The following SDHB variants were observed in gnomAD, a reference collection of about 807,000 sequenced individuals.
The protein encoded by SDHB is succinate dehydrogenase complex iron sulfur subunit B, also known as succinate dehydrogenase [ubiquinone] iron-sulfur subunit, mitochondrial.
A neutral mutation model predicts 39.7 loss-of-function variants in SDHB; 21 were observed. The observed-to-expected ratio is 0.53, with a 90% CI of 0.37 to 0.76. SDHB has a LOEUF of 0.76. SDHB is among the 30% of genes least tolerant of loss of function. SDHB has a pLI of 0.00. For synonymous variants in SDHB, 118 were observed against 117.0 expected, an observed-to-expected ratio of 1.01 and a Z score of -0.06; for missense variants, 343 against 350.9, an observed-to-expected ratio of 0.98 and a Z score of 0.18.
intron 2 of SDHB, among the ~76,000 whole-genome samples, chr1:17,037,306 CTT>C (rs548300676): frequency 6.9e-6 from 1 of 145,446 alleles, no homozygotes. Context: ...ATTTTCTTTT[CTT>C]TTTTTTTTTT....
In SDHB at chr1:17,018,913, C is replaced by A. The variant is rs1418428253; in HGVS notation, c.811G>T (p.Ala271Ser). ...GAAGCTTTCTTCTCCTTATAGGTTG[C>A]CATCATTTTCTTGATCTCTGCAATA... ...KAIAEIKKMM[A>S]TYKEKKASV Residue 271 changes from alanine (A) to serine (S), a missense_variant, in exon 8 of 8, where the codon GCA becomes TCA. Ala to Ser is a moderately conservative substitution (Grantham distance 99). Coordinates refer to ENST00000375499, the MANE Select transcript of SDHB (RefSeq NM_003000.3). The A allele has an allele frequency of 6.2e-7, 1 of 1,613,018 alleles. No homozygotes were observed. Among genetic ancestry groups the A allele is most frequent in the Non-Finnish European group, 8.5e-7 (1 of 1,179,234 alleles).
At chr1:17,020,934 AAC>A (rs945929744) in intron 7 of SDHB, among the ~76,000 whole-genome samples, 9 of 152,344 alleles carry the variant, frequency 5.9e-5, no homozygotes, top group Admixed American at 5.2e-4. Context: ...CATGTTTTCA[AAC>A]ACACAGTGTG....
intron 2 of SDHB, among the ~76,000 whole-genome samples, chr1:17,042,043 T>C (rs1464448139): frequency 3.9e-5 from 6 of 152,224 alleles, no homozygotes; most frequent in Admixed American, 3.9e-4. Context: ...CCCATTAGCC[T>C]CCCAAGTGGC....
rs561267958 is a variant in SDHB, at chr1:17,032,349, G to A, written c.286+711C>T. Among the ~76,000 whole-genome samples the A allele has an allele frequency of 3.2e-4, 48 of 150,458 alleles. No homozygotes were observed. In the South Asian group the frequency reaches 4.8e-3, roughly 15 times the overall value. ...ATTACAGGCGTCCGCTATCACGCCC[G>A]GCTAATTTTTGTATTTTTAGTAGAG... On this transcript the variant is annotated intron_variant, in intron 3 of 7. Coordinates refer to ENST00000375499, the MANE Select transcript of SDHB (RefSeq NM_003000.3).
intron 5 of SDHB, among the ~76,000 whole-genome samples, chr1:17,027,267 A>G (rs915188659): frequency 6.6e-6 from 1 of 152,250 alleles, no homozygotes; most frequent in African/African-American, 2.4e-5. Context: ...TGAGCAGGCC[A>G]GGAATAATCC....
At chr1:17,053,257 C>A (rs2078158562) in intron 1 of SDHB, among the ~76,000 whole-genome samples, 1 of 152,186 alleles carries the variant, frequency 6.6e-6, no homozygotes, top group African/African-American at 2.4e-5. Context: ...AAGCCCTCTA[C>A]CTGTCATTCC....
intron 7 of SDHB, among the ~76,000 whole-genome samples, chr1:17,022,301 GCTTT>G (rs934427620): frequency 2.7e-4 from 41 of 152,272 alleles, no homozygotes; most frequent in Admixed American, 2.0e-3. Flanking sequence ...AACGGCTTTC[GCTTT>G]CTGTTTCCTG....
chr1:17,046,023 T>G (rs887461198), intron 1 of SDHB, among the ~76,000 whole-genome samples: 2 of 152,232 alleles, frequency 1.3e-5, no homozygotes, highest in Non-Finnish European at 2.9e-5. Flanking sequence ...CCTTGACGAC[T>G]TGTGGTCAAG....
At chr1:17,024,468 C>T (rs1025896581) in intron 5 of SDHB, among the ~76,000 whole-genome samples, 1 of 152,174 alleles carries the variant, frequency 6.6e-6, no homozygotes, top group Non-Finnish European at 1.5e-5. Context: ...GCTGCTTCTG[C>T]CCTGGGCTCA....
intron 5 of SDHB, among the ~76,000 whole-genome samples, chr1:17,027,249 C>T (rs1215543771): frequency 1.3e-5 from 2 of 152,178 alleles, no homozygotes; most frequent in Non-Finnish European, 2.9e-5. Context: ...ATGGCAACTC[C>T]CAGAGAGTGA....
intron 1 of SDHB, among the ~76,000 whole-genome samples, chr1:17,046,775 T>C (rs1050041988): frequency 2.0e-4 from 31 of 152,170 alleles, no homozygotes; most frequent in Non-Finnish European, 4.3e-4. Context: ...TGGAGTGCAA[T>C]GGTGCAATCT....
chr1:17,028,761 A>G, intron 3 of SDHB, 25 bp from the exon 4 acceptor site: 1 of 1,612,350 alleles, frequency 6.2e-7, no homozygotes, highest in Non-Finnish European at 8.5e-7. Flanking sequence ...CATTTAACAC[A>G]TCCTCACCCA....
At chr1:17,026,202 G>A (rs894298271) in intron 5 of SDHB, among the ~76,000 whole-genome samples, 1 of 152,298 alleles carries the variant, frequency 6.6e-6, no homozygotes, top group East Asian at 1.9e-4. Context: ...ACTCTGGGAT[G>A]CACAAGACTC....
chr1:17,044,280 T>G (rs1376273278), intron 2 of SDHB, among the ~76,000 whole-genome samples: 2 of 152,194 alleles, frequency 1.3e-5, no homozygotes, highest in Non-Finnish European at 2.9e-5. Flanking sequence ...TACTTTCATT[T>G]GGGAATTATT....
chr1:17,045,782 C>T (rs990248488), intron 1 of SDHB, among the ~76,000 whole-genome samples: 3 of 152,132 alleles, frequency 2.0e-5, no homozygotes, highest in African/African-American at 7.2e-5. Context: ...GTCTTCACTA[C>T]AGCCTCTGAT....
intron 1 of SDHB, among the ~76,000 whole-genome samples, chr1:17,049,128 T>C (rs1340540029): frequency 6.6e-6 from 1 of 152,140 alleles, no homozygotes; most frequent in Non-Finnish European, 1.5e-5. Flanking sequence ...GCCTCCCAAG[T>C]AGCTGGGACT....
chr1:17,023,956 A>T lies in SDHB; in HGVS notation c.642+17T>A. 1 of 1,584,092 alleles carries T rather than the reference A, an allele frequency of 6.3e-7. No individual in the cohort carries two copies. Among genetic ancestry groups the T allele is most frequent in the East Asian group, 2.2e-5 (1 of 44,730 alleles). Reference sequence around the variant, plus strand: ...TTGAGTTTCAATTTCTCTTAAAGCAATTAAGGAGCACCTCACCTGCATAAG... The same window carrying T: ...TTGAGTTTCAATTTCTCTTAAAGCATTTAAGGAGCACCTCACCTGCATAAG... On this transcript the variant is annotated intron_variant, in intron 6 of 7. Coordinates refer to ENST00000375499, the MANE Select transcript of SDHB (RefSeq NM_003000.3).
intron 1 of SDHB, chr1:17,045,126 C>T: frequency 3.9e-6 from 2 of 511,790 alleles, no homozygotes; most frequent in Non-Finnish European, 7.1e-6. Flanking sequence ...AAACCTTCAT[C>T]TTCACAGAAC....
At chr1:17,029,097 T>TC (rs1233556662) in intron 3 of SDHB, among the ~76,000 whole-genome samples, 3 of 138,090 alleles carry the variant, frequency 2.2e-5, no homozygotes, top group Non-Finnish European at 1.6e-5. Flanking sequence ...CAGCCTGTTT[T>TC]TTTTTTTTTT....
Sources: gnomAD v4.1 joint callset for allele counts (sites outside exome capture counted in the v4.1 genomes callset) on GRCh38, gnomAD v4.1.1 for gene constraint, MANE v1.5 for transcripts, NCBI Gene and HGNC (gene_info 2026-07-23, HGNC 2026-07-21) for gene names.